Variants in SHTN1 observed in about 807,000 individuals in gnomAD.
SHTN1 encodes the protein shootin 1.
A neutral mutation model predicts 83.1 loss-of-function variants in SHTN1; 42 were observed. That is an observed-to-expected ratio of 0.51 (90% confidence interval 0.39 to 0.65). The LOEUF is 0.65. Ranked by LOEUF, SHTN1 falls within the 30% of genes least tolerant of loss-of-function variation. The pLI, the probability that SHTN1 is intolerant of heterozygous loss-of-function variation, is 0.00. For missense variants in SHTN1, 622 were observed against 737.8 expected (o/e 0.84, Z 1.82); for synonymous variants, 224 against 247.7 (o/e 0.90, Z 0.90).
intron 12 of SHTN1, among the ~76,000 whole-genome samples, chr10:116,917,811 A>G (rs939892920): frequency 1.3e-5 from 2 of 152,216 alleles, no homozygotes; most frequent in African/African-American, 4.8e-5. Context: ...TGTACAGATT[A>G]TAAACCAGGC....
chr10:116,889,933 C>T (rs1243046433), intron 16 of SHTN1, among the ~76,000 whole-genome samples: 1 of 152,166 alleles, frequency 6.6e-6, no homozygotes, highest in Non-Finnish European at 1.5e-5. Context: ...AAGACTCCTT[C>T]TGGAATGAGA....
chr10:117,100,144 TCCAG>T (rs1853568703), intron 1 of SHTN1, among the ~76,000 whole-genome samples: 1 of 152,126 alleles, frequency 6.6e-6, no homozygotes, highest in African/African-American at 2.4e-5. Context: ...GCCATTGCAC[TCCAG>T]CCTGGGCAAC....
At chr10:116,917,580 T>C (rs1467263940) in intron 12 of SHTN1, among the ~76,000 whole-genome samples, 1 of 152,194 alleles carries the variant, frequency 6.6e-6, no homozygotes, top group Non-Finnish European at 1.5e-5. Flanking sequence ...TGCATGGTGA[T>C]AGGAACACCG....
At chr10:117,096,878 C>T (rs974090234) in intron 1 of SHTN1, among the ~76,000 whole-genome samples, 4 of 152,206 alleles carry the variant, frequency 2.6e-5, no homozygotes, top group Non-Finnish European at 5.9e-5. Flanking sequence ...GAGTGAAAGG[C>T]AGCCAAGCAT....
At chr10:116,925,601 C>T (rs1237828447) in intron 11 of SHTN1, among the ~76,000 whole-genome samples, 1 of 152,016 alleles carries the variant, frequency 6.6e-6, no homozygotes, top group East Asian at 1.9e-4. Context: ...TTTATATCTG[C>T]CTATATCTGT....
At chr10:116,973,641 G>C (rs1259412716) in intron 2 of SHTN1, among the ~76,000 whole-genome samples, 3 of 152,090 alleles carry the variant, frequency 2.0e-5, no homozygotes, top group Non-Finnish European at 4.4e-5. Context: ...CAATTCATAA[G>C]GACACCCGAT....
chr10:116,894,785 T>C (rs962411820), intron 16 of SHTN1, among the ~76,000 whole-genome samples: 1 of 152,152 alleles, frequency 6.6e-6, no homozygotes, highest in African/African-American at 2.4e-5. Flanking sequence ...AAAGTGTGAA[T>C]ATGGATGAAA....
intron 3 of SHTN1, among the ~76,000 whole-genome samples, chr10:116,963,219 C>G (rs1850262318): frequency 6.7e-6 from 1 of 149,336 alleles, no homozygotes; most frequent in Non-Finnish European, 1.5e-5. Context: ...CTACAGGCGC[C>G]CGCCATCACG....
At chr10:117,076,872 G>A (rs1011528618) in intron 1 of SHTN1, among the ~76,000 whole-genome samples, 1 of 152,126 alleles carries the variant, frequency 6.6e-6, no homozygotes, top group African/African-American at 2.4e-5. Context: ...TGGAGAAAAG[G>A]GTGGCAAATG....
chr10:116,938,095 C>T (rs1258760517), intron 9 of SHTN1, among the ~76,000 whole-genome samples: 1 of 151,882 alleles, frequency 6.6e-6, no homozygotes, highest in Non-Finnish European at 1.5e-5. Context: ...GGCTTCCTTG[C>T]GTTGGGTTAG....
chr10:117,047,855 G>A (rs567363547), intron 2 of SHTN1, among the ~76,000 whole-genome samples: 311 of 144,366 alleles, frequency 2.2e-3, no homozygotes, highest in African/African-American at 7.3e-3. Context: ...GACCTCAAAT[G>A]ATCCACCCAC....
At chr10:116,939,540 C>A (rs1849289324) in intron 9 of SHTN1, among the ~76,000 whole-genome samples, 1 of 152,204 alleles carries the variant, frequency 6.6e-6, no homozygotes, top group African/African-American at 2.4e-5. Flanking sequence ...GTACCCAATG[C>A]AGAAATCACC....
intron 16 of SHTN1, among the ~76,000 whole-genome samples, chr10:116,889,787 A>C (rs899099000): frequency 2.0e-5 from 3 of 152,122 alleles, no homozygotes; most frequent in South Asian, 2.1e-4. Flanking sequence ...ATCCGTTTCC[A>C]TCTCCATCTT....
intron 1 of SHTN1, among the ~76,000 whole-genome samples, chr10:117,075,065 C>A (rs1402896552): frequency 3.3e-5 from 5 of 152,136 alleles, no homozygotes; most frequent in African/African-American, 9.7e-5. Context: ...GAATTTTACA[C>A]ATTATAAATT....
At chr10:117,075,661 G>A (rs1000581688) in intron 1 of SHTN1, among the ~76,000 whole-genome samples, 5 of 152,156 alleles carry the variant, frequency 3.3e-5, no homozygotes, top group African/African-American at 4.8e-5. Flanking sequence ...TGGTCAGGAA[G>A]ATACCAGAGA....
intron 1 of SHTN1, among the ~76,000 whole-genome samples, chr10:117,097,058 C>CAG (rs1564958272): frequency 2.0e-5 from 3 of 151,780 alleles, no homozygotes; most frequent in Non-Finnish European, 2.9e-5. Context: ...CACACACACA[C>CAG]ACACAAAGGA....
At chr10:116,993,793 C>T (rs1172359347) in intron 1 of SHTN1, among the ~76,000 whole-genome samples, 2 of 152,122 alleles carry the variant, frequency 1.3e-5, no homozygotes, top group South Asian at 2.1e-4. Flanking sequence ...ACAAAGGTTT[C>T]GCAATCTCTT....
chr10:116,904,963 A>T lies in SHTN1; in HGVS notation c.1480+1664T>A, dbSNP rs185583320. On this transcript the variant is annotated intron_variant, in intron 15 of 16. Coordinates refer to ENST00000355371, the MANE Select transcript of SHTN1 (RefSeq NM_001127211.3). ...ACGCCTGTAATCCCAGCACTTTGGG[A>T]GGCCGAGGCGGGTGGATCATGAGGT... Among the ~76,000 whole-genome samples, 256 of 152,188 alleles carry T rather than the reference A, an allele frequency of 1.7e-3. 2 individuals carry two copies. The highest frequency in any genetic ancestry group is 5.9e-3 in the African/African-American group (245 of 41,532).
At chr10:116,893,576 G>GCACGCACACACACACACA (rs1554905665) in intron 16 of SHTN1, among the ~76,000 whole-genome samples, 1 of 123,524 alleles carries the variant, frequency 8.1e-6, no homozygotes, top group African/African-American at 3.2e-5. Flanking sequence ...GCACTCATGT[G>GCACGCACACACACACACA]CACACACACA....
Sources: gnomAD v4.1 joint callset for allele counts (sites outside exome capture counted in the v4.1 genomes callset) on GRCh38, gnomAD v4.1.1 for gene constraint, MANE v1.5 for transcripts, NCBI Gene and HGNC (gene_info 2026-07-23, HGNC 2026-07-21) for gene names.